Variants in FILIP1L observed in about 807,000 individuals in gnomAD.
FILIP1L encodes the protein filamin A interacting protein 1 like.
Under a neutral mutation model 96.6 loss-of-function variants are expected in FILIP1L, and 55 were observed. The ratio of observed to expected loss-of-function variants is 0.57; its 90% CI spans 0.46 to 0.71. The LOEUF (loss-of-function observed/expected upper bound fraction) is 0.71, where lower values mean the gene tolerates loss of function less well. Ranked by LOEUF, FILIP1L falls within the 30% of genes least tolerant of loss-of-function variation. The pLI, the probability that FILIP1L is intolerant of heterozygous loss-of-function variation, is 0.00. For synonymous variants in FILIP1L, 467 were observed against 473.9 expected (o/e 0.99, Z 0.19); for missense variants, 1,304 against 1,321.2 (o/e 0.99, Z 0.20).
Position 99,849,144 on chromosome 3 carries a change from C to T in FILIP1L, c.2532G>A (p.Val844=), listed in dbSNP as rs1466744016. The change falls in exon 5 of 6, where the codon GTG becomes GTA. Residue 844 remains valine, a synonymous_variant. Coordinates refer to ENST00000477258, the MANE Select transcript of FILIP1L (RefSeq NM_001387850.1). ...QDEDPNDEGS[V]LSFKCSQSTP... ...TAGACTGGCTGCATTTGAAGGACAG[C>T]ACAGATCCCTCATCATTAGGGTCCT... The T allele has an allele frequency of 6.2e-7, 1 of 1,614,006 alleles. No individual in the cohort carries two copies. The highest frequency in any genetic ancestry group is 1.3e-5 in the African/African-American group (1 of 74,916).
intron 4 of FILIP1L, among the ~76,000 whole-genome samples, chr3:99,900,785 C>T (rs1341586528): frequency 2.0e-5 from 3 of 152,216 alleles, no homozygotes; most frequent in Non-Finnish European, 2.9e-5. Context: ...GCTGTTTCAG[C>T]CTCAGAGATT....
chr3:99,977,713 G>C (rs935148069), intron 1 of FILIP1L, among the ~76,000 whole-genome samples: 5 of 152,094 alleles, frequency 3.3e-5, no homozygotes, highest in Non-Finnish European at 5.9e-5. Context: ...AAAAATAAGA[G>C]AATGGAATCA....
intron 4 of FILIP1L, among the ~76,000 whole-genome samples, chr3:99,902,317 C>G (rs193265749): frequency 2.6e-5 from 4 of 152,186 alleles, no homozygotes; most frequent in Admixed American, 1.3e-4. Context: ...GGGAAAGAGT[C>G]AGTGCTGAAT....
chr3:100,015,653 T>C (rs538126741), intron 1 of FILIP1L, among the ~76,000 whole-genome samples: 1 of 152,336 alleles, frequency 6.6e-6, no homozygotes, highest in South Asian at 2.1e-4. Context: ...CAGCTGTGAC[T>C]GAAATTACAG....
chr3:99,929,792 A>G (rs1707417356), intron 3 of FILIP1L, 64 bp downstream of exon 3: 1 of 1,230,502 alleles, frequency 8.1e-7, no homozygotes, highest in South Asian at 1.5e-5. Flanking sequence ...GTTACAGATC[A>G]TGCTCATCTG....
chr3:100,070,430 G>A (rs2065741537), intron 1 of FILIP1L, among the ~76,000 whole-genome samples: 1 of 112,866 alleles, frequency 8.9e-6, no homozygotes. Context: ...GTTTTACTTA[G>A]GACTTGAATA....
At chr3:99,915,930 A>G (rs766265808) in intron 4 of FILIP1L, among the ~76,000 whole-genome samples, 1 of 152,194 alleles carries the variant, frequency 6.6e-6, no homozygotes, top group Non-Finnish European at 1.5e-5. Flanking sequence ...TTTCTTGGCA[A>G]CTCAAAAATA....
chr3:99,882,074 C>G (rs537450634), intron 4 of FILIP1L, among the ~76,000 whole-genome samples: 1 of 152,208 alleles, frequency 6.6e-6, no homozygotes, highest in Non-Finnish European at 1.5e-5. Flanking sequence ...ATCTTTGGAA[C>G]TCAAATAGAG....
chr3:100,003,203 G>A (rs946807437), intron 1 of FILIP1L, among the ~76,000 whole-genome samples: 6 of 152,092 alleles, frequency 3.9e-5, no homozygotes, highest in African/African-American at 1.2e-4. Context: ...TGTTTATGAA[G>A]CCATAAGTGG....
chr3:99,849,880 T>C lies in FILIP1L; in HGVS notation c.1796A>G (p.Glu599Gly). The C allele has an allele frequency of 1.9e-6, 3 of 1,611,608 alleles. No individual in the cohort carries two copies. Among genetic ancestry groups the C allele is most frequent in the Non-Finnish European group, 2.5e-6 (3 of 1,179,544 alleles). Residue 599 changes from glutamate (E) to glycine (G), a missense_variant, in exon 5 of 6, where the codon GAG (glutamate) becomes GGG (glycine). By Grantham distance (98) the Glu-to-Gly change is moderately conservative. Transcript: ENST00000477258. ...KNRLQSLEAI[E>G]KDFLKNKLNQ... is the part of the protein sequence containing the mutation. ...TAATTTGTTTTTTAGGAAATCTTTC[T>C]CAATTGCTTCCAATGATTGAAGCCT...
At chr3:100,038,296 A>G (rs1162722820) in intron 1 of FILIP1L, among the ~76,000 whole-genome samples, 1 of 152,172 alleles carries the variant, frequency 6.6e-6, no homozygotes. Context: ...TACAGAAATA[A>G]TAAGAAAAGT....
chr3:99,959,924 A>G (rs1218157458), intron 1 of FILIP1L, among the ~76,000 whole-genome samples: 1 of 152,174 alleles, frequency 6.6e-6, no homozygotes, highest in South Asian at 2.1e-4. Flanking sequence ...TACAAAGGAG[A>G]TGCATTCAAT....
intron 4 of FILIP1L, among the ~76,000 whole-genome samples, chr3:99,861,487 C>A (rs1449867455): frequency 1.3e-5 from 2 of 152,188 alleles, no homozygotes; most frequent in African/African-American, 4.8e-5. Context: ...CTGGGCTTGT[C>A]CTCAGGTTCC....
chr3:99,912,282 G>A (rs1014644588), intron 4 of FILIP1L, among the ~76,000 whole-genome samples: 1 of 152,172 alleles, frequency 6.6e-6, no homozygotes, highest in Non-Finnish European at 1.5e-5. Flanking sequence ...TATGTGAAAT[G>A]CCCAGAATAG....
chr3:100,015,965 C>CT (rs954032137), intron 1 of FILIP1L, among the ~76,000 whole-genome samples: 1 of 152,076 alleles, frequency 6.6e-6, no homozygotes, highest in African/African-American at 2.4e-5. Flanking sequence ...GACAGATTGC[C>CT]TTTTTAATTT....
At chr3:100,045,185 C>T (rs1458682378) in intron 1 of FILIP1L, among the ~76,000 whole-genome samples, 4 of 152,206 alleles carry the variant, frequency 2.6e-5, no homozygotes, top group African/African-American at 9.6e-5. Context: ...TATGACCTCT[C>T]GAAGCCTTAG....
At chr3:100,007,125 C>A (rs1710011084) in intron 1 of FILIP1L, among the ~76,000 whole-genome samples, 1 of 152,070 alleles carries the variant, frequency 6.6e-6, no homozygotes, top group Non-Finnish European at 1.5e-5. Context: ...CATTCATTAG[C>A]CTATTGGTAA....
chr3:99,924,722 A>T (rs1033443157), intron 3 of FILIP1L, among the ~76,000 whole-genome samples: 1 of 152,044 alleles, frequency 6.6e-6, no homozygotes, highest in African/African-American at 2.4e-5. Flanking sequence ...GGGTTTCTCC[A>T]CGTTGGTCAG....
chr3:99,880,535 G>C (rs1451122094), intron 4 of FILIP1L, among the ~76,000 whole-genome samples: 2 of 152,090 alleles, frequency 1.3e-5, no homozygotes, highest in African/African-American at 4.8e-5. Flanking sequence ...TATGACTCTA[G>C]AACAGTGACA....
Sources: allele counts gnomAD v4.1 joint callset (sites outside exome capture counted in the v4.1 genomes callset), GRCh38; gene constraint gnomAD v4.1.1; transcripts MANE v1.5; gene names NCBI Gene and HGNC (gene_info 2026-07-23, HGNC 2026-07-21).